Variants in SS18L1 observed in about 807,000 individuals in gnomAD.
SS18L1 encodes calcium-responsive transactivator.
In SS18L1, 32 loss-of-function variants were observed where a neutral mutation model predicts 70.3. That is an observed-to-expected ratio of 0.46 (90% CI 0.34 to 0.61). The LOEUF is 0.61. Among genes scored for constraint, SS18L1 ranks in the 20% least tolerant of loss-of-function variants. SS18L1 has a pLI of 0.01. For missense variants in SS18L1, 430 were observed against 542.1 expected (o/e 0.79, Z 2.05); for synonymous variants, 237 against 229.7 (o/e 1.03, Z -0.29).
chr20:62,179,342 C>T lies in SS18L1; in HGVS notation c.*134C>T. The stretch of plus-strand genomic sequence containing the variant: ...GTGCCACGTCTGCATGTGAAGCGTG[C>T]TCATTTCATGCTGGGTATGACGCCG... On this transcript the variant is annotated 3_prime_UTR_variant, in exon 11 of 11. Transcript: ENST00000331758. The T allele has an allele frequency of 1.0e-6, 1 of 972,024 alleles. No individual in the cohort carries two copies. Among genetic ancestry groups the T allele is most frequent in the South Asian group, 1.4e-5 (1 of 70,466 alleles). The allele number at this position is 972,024 out of a possible 1,614,324, so 60.2% of individuals were successfully genotyped here.
At chr20:62,172,922 A>G in intron 9 of SS18L1, 121 bp downstream of exon 9, 1 of 1,532,318 alleles carries the variant, frequency 6.5e-7, no homozygotes, top group Non-Finnish European at 8.8e-7. Context: ...GGCTACGGTA[A>G]GAGGCGAGCA....
rs1024023252 is a variant in SS18L1, at chr20:62,154,615, G to C, written c.70-4057G>C. The C allele has an allele frequency of 4.7e-6, 4 of 842,444 alleles. No homozygotes were observed. The South Asian group carries it at 1.6e-4, about 35-fold the overall frequency. The allele number at this position is 842,444 out of a possible 1,614,324, so 52.2% of individuals were successfully genotyped here. On this transcript the variant is annotated intron_variant, in intron 1 of 10. Transcript: ENST00000331758. ...AGTCTCCGTGAGGTCGTTGCACCCT[G>C]CGGGCCCATGTAGGAGGCTCCGTGC...
chr20:62,179,730 G>GGGGGGGCCCC lies in SS18L1; in HGVS notation c.*522_*523insGGGGGGCCCC. ...GTGCCTCGATGGGGTGGGTGGGAGGGCATCTTCTGTGCGTTGGGTCAGTTT... is the reference window on the plus strand; with the variant it reads ...GTGCCTCGATGGGGTGGGTGGGAGGGGGGGGGCCCCCATCTTCTGTGCGTTGGGTCAGTTT... On this transcript the variant is annotated 3_prime_UTR_variant, in exon 11 of 11. Transcript: ENST00000331758. The GGGGGGGCCCC allele has an allele frequency of 1.0e-5, 1 of 96,712 alleles. No individual in the cohort carries two copies. The highest frequency in any genetic ancestry group is 2.0e-5 in the Non-Finnish European group (1 of 48,822). The allele number at this position is 96,712 out of a possible 1,614,324, so 6.0% of individuals were successfully genotyped here. A position where few individuals can be genotyped will look rare whatever the true frequency, so the allele number is the denominator to read the frequency against.
Position 62,179,499 on chromosome 20 carries a change from CT to C in SS18L1, c.*294del, listed in dbSNP as rs1344197577. The C allele has an allele frequency of 2.0e-6, 1 of 497,260 alleles. No homozygotes were observed. Among genetic ancestry groups the C allele is most frequent in the African/African-American group, 1.9e-5 (1 of 52,220 alleles). 30.8% of individuals were successfully genotyped at this position (497,260 alleles called of 1,614,324 possible). A position where few individuals can be genotyped will look rare whatever the true frequency, so the allele number is the denominator to read the frequency against. ...CCCCCTTCTCAATGTTTCTAGCTAG[CT>C]TTGGGGGTCATTTTGTCATCAGAGC... On this transcript the variant is annotated 3_prime_UTR_variant, in exon 11 of 11. Coordinates refer to ENST00000331758, the MANE Select transcript of SS18L1 (RefSeq NM_198935.3).
chr20:62,169,436 A>G (rs1019803470), intron 8 of SS18L1, among the ~76,000 whole-genome samples: 1 of 152,208 alleles, frequency 6.6e-6, no homozygotes, highest in Non-Finnish European at 1.5e-5. Context: ...GTCCGTCTGT[A>G]TGTACCTTTG....
At chr20:62,151,412 C>T (rs752402458) in intron 1 of SS18L1, among the ~76,000 whole-genome samples, 6 of 152,218 alleles carry the variant, frequency 3.9e-5, no homozygotes, top group Non-Finnish European at 7.3e-5. Context: ...CCGTGGCTTC[C>T]GTGCCCCTTG....
rs1202246914 is a variant in SS18L1, at chr20:62,180,510, GA to G, written c.*1304del. On this transcript the variant is annotated 3_prime_UTR_variant, in exon 11 of 11. Transcript: ENST00000331758. ...TGGATAAATGCTGACAGATTTCCAA[GA>G]ACTACCAAGAAAATACAAGAGATAT... 5.5e-6 allele frequency: 1 copy of G among 181,030 alleles called. No individual in the cohort carries two copies. The highest frequency in any genetic ancestry group is 1.2e-5 in the Non-Finnish European group (1 of 84,818). The allele number at this position is 181,030 out of a possible 1,614,324, so 11.2% of individuals were successfully genotyped here. A position where few individuals can be genotyped will look rare whatever the true frequency, so the allele number is the denominator to read the frequency against.
chr20:62,146,916 A>G (rs949234194), intron 1 of SS18L1, among the ~76,000 whole-genome samples: 1 of 151,818 alleles, frequency 6.6e-6, no homozygotes, highest in Non-Finnish European at 1.5e-5. Context: ...ATGAGCCACC[A>G]TGCCTGGCCT....
At chr20:62,152,357 G>A (rs182105466) in intron 1 of SS18L1, among the ~76,000 whole-genome samples, 15 of 152,280 alleles carry the variant, frequency 9.9e-5, no homozygotes, top group African/African-American at 1.9e-4. Flanking sequence ...TCCTTGCTGC[G>A]GCCCCCGATG....
chr20:62,177,235 G>A (rs866593778), intron 10 of SS18L1, among the ~76,000 whole-genome samples: 4 of 151,690 alleles, frequency 2.6e-5, no homozygotes, highest in Middle Eastern at 3.4e-3. Context: ...CTGAGATCGC[G>A]CCATTGTATT....
chr20:62,161,352 T>G lies in SS18L1; in HGVS notation c.232-84T>G. On this transcript the variant is annotated intron_variant, in intron 3 of 10. Transcript: ENST00000331758. The surrounding 1 kb of genome is among the most constrained non-coding windows in gnomAD (Gnocchi z 4.4). ...ATGATGTGTGGCGGCAAATCTCGGG[T>G]GCCCTCTCATCCCTGGCCTGGCTTG... 6.3e-7 allele frequency: 1 copy of G among 1,598,124 alleles called. No homozygotes were observed. The highest frequency in any genetic ancestry group is 8.6e-7 in the Non-Finnish European group (1 of 1,168,066).
Position 62,180,412 on chromosome 20 carries a change from C to T in SS18L1, c.*1204C>T, listed in dbSNP as rs2145802292. On this transcript the variant is annotated 3_prime_UTR_variant, in exon 11 of 11. Coordinates refer to ENST00000331758, the MANE Select transcript of SS18L1 (RefSeq NM_198935.3). Reference sequence around the variant, plus strand: ...ATCCCACATTTCAATTAACAAGTAGCATGGACATTTGATCAACCTTTAGTT... The same window carrying T: ...ATCCCACATTTCAATTAACAAGTAGTATGGACATTTGATCAACCTTTAGTT... 5.4e-6 allele frequency: 1 copy of T among 184,808 alleles called. No homozygotes were observed. Among genetic ancestry groups the T allele is most frequent in the Admixed American group, 6.2e-5 (1 of 16,024 alleles). The allele number at this position is 184,808 out of a possible 1,614,324, so 11.4% of individuals were successfully genotyped here. A position where few individuals can be genotyped will look rare whatever the true frequency, so the allele number is the denominator to read the frequency against.
In SS18L1 at chr20:62,174,754, C is replaced by T. The variant is rs755362556; in HGVS notation, c.1164+110C>T. ...TAATGAGCTGGAACTAACTGGCTTC[C>T]AGGGTTCCTTCCAGAACGTTAAGTC... On this transcript the variant is annotated intron_variant, in intron 10 of 10. Coordinates refer to ENST00000331758, the MANE Select transcript of SS18L1 (RefSeq NM_198935.3). This position sits in a 1 kb window ranked among gnomAD's most constrained non-coding sequence, Gnocchi z 4.1. 7.8e-5 allele frequency: 125 copies of T among 1,602,418 alleles called. No homozygotes were observed. Among genetic ancestry groups the T allele is most frequent in the Non-Finnish European group, 9.8e-5 (115 of 1,174,748 alleles).
chr20:62,146,605 A>ATTTTTTTTTTTTTTTTTTTTTTTTT lies in SS18L1; in HGVS notation c.69+2737_69+2738insTTTTTTTTTTTTTTTTTTTTTTTTT, dbSNP rs10673768. 2.3e-4 allele frequency among the ~76,000 whole-genome samples: 18 copies of ATTTTTTTTTTTTTTTTTTTTTTTTT among 79,724 alleles called. 6 individuals are homozygous for ATTTTTTTTTTTTTTTTTTTTTTTTT. The highest frequency in any genetic ancestry group is 6.3e-4 in the African/African-American group (12 of 19,194). 52.3% of individuals were successfully genotyped at this position (79,724 alleles called of 152,430 possible). ...CATCCAGCGTGTCTCTGCTTTGATC[A>ATTTTTTTTTTTTTTTTTTTTTTTTT]TTTTTTTTTTTTTTTTTTTTTGAGA... On this transcript the variant is annotated intron_variant, in intron 1 of 10. Coordinates refer to ENST00000331758, the MANE Select transcript of SS18L1 (RefSeq NM_198935.3).
intron 1 of SS18L1, among the ~76,000 whole-genome samples, chr20:62,151,181 A>G (rs1192110801): frequency 1.4e-5 from 2 of 148,130 alleles, no homozygotes; most frequent in African/African-American, 2.5e-5. Context: ...CCCTTCCCCT[A>G]CTCTCTGTGG....
At chr20:62,175,162 C>G in intron 10 of SS18L1, 5 of 916,122 alleles carry the variant, frequency 5.5e-6, no homozygotes, top group African/African-American at 1.8e-5. Flanking sequence ...GCTGGCAGCC[C>G]CAGGCTCAGC....
intron 10 of SS18L1, among the ~76,000 whole-genome samples, chr20:62,177,101 C>T (rs1280452849): frequency 1.3e-5 from 2 of 152,174 alleles, no homozygotes; most frequent in South Asian, 2.1e-4. Flanking sequence ...AAACTGTCTC[C>T]GTTTGAGAAC....
chr20:62,167,332 C>A (rs949899216), intron 8 of SS18L1, among the ~76,000 whole-genome samples: 53 of 150,512 alleles, frequency 3.5e-4, no homozygotes, highest in Admixed American at 7.3e-4. Context: ...CGTGAGCCAC[C>A]GCGCCCGGCC....
chr20:62,175,014 T>C, intron 10 of SS18L1: 1 of 822,022 alleles, frequency 1.2e-6, no homozygotes, highest in African/African-American at 1.9e-5. Flanking sequence ...TACAGAGACA[T>C]AAGGTGGTCC....
Sources: allele counts gnomAD v4.1 joint callset (sites outside exome capture counted in the v4.1 genomes callset), GRCh38; gene constraint gnomAD v4.1.1; non-coding constraint Gnocchi (gnomAD v3.1); transcripts MANE v1.5; gene names NCBI Gene and HGNC (gene_info 2026-07-23, HGNC 2026-07-21).